Variants in RBMS3 observed in about 807,000 individuals in gnomAD.
The protein encoded by RBMS3 is RNA-binding motif, single-stranded-interacting protein 3.
Under a neutral mutation model 66.8 loss-of-function variants are expected in RBMS3, and 27 were observed. The observed-to-expected ratio is 0.40, with a 90% CI of 0.30 to 0.56. The LOEUF is 0.56. Among genes scored for constraint, RBMS3 ranks in the 20% least tolerant of loss-of-function variants. The pLI is 0.40. For synonymous variants in RBMS3, 188 were observed against 183.0 expected, an observed-to-expected ratio of 1.03 and a Z score of -0.22; for missense variants, 513 against 549.5, an observed-to-expected ratio of 0.93 and a Z score of 0.66.
chr3:29,799,837 G>A (rs985396694), intron 6 of RBMS3, among the ~76,000 whole-genome samples: 2 of 152,132 alleles, frequency 1.3e-5, no homozygotes, highest in African/African-American at 4.8e-5. Context: ...CTCCTACAAT[G>A]ATGGTATAAA....
At chr3:29,362,343 G>A (rs972934491) in intron 1 of RBMS3, among the ~76,000 whole-genome samples, 1 of 152,210 alleles carries the variant, frequency 6.6e-6, no homozygotes, top group African/African-American at 2.4e-5. Context: ...GGTATCAGCA[G>A]TGGAAGCTGC....
chr3:29,423,055 TCTC>T (rs1388764835), intron 1 of RBMS3, among the ~76,000 whole-genome samples: 1 of 152,172 alleles, frequency 6.6e-6, no homozygotes, highest in Non-Finnish European at 1.5e-5. Flanking sequence ...AAGAAAACCT[TCTC>T]CTTTTTTTGC....
At chr3:29,966,266 T>C (rs1696842962) in intron 12 of RBMS3, among the ~76,000 whole-genome samples, 1 of 152,206 alleles carries the variant, frequency 6.6e-6, no homozygotes, top group African/African-American at 2.4e-5. Flanking sequence ...GGTGGTATTC[T>C]GATGGGGATT....
At chr3:29,703,346 G>C (rs1177175038) in intron 4 of RBMS3, among the ~76,000 whole-genome samples, 1 of 152,150 alleles carries the variant, frequency 6.6e-6, no homozygotes. Flanking sequence ...CAATGTGTGG[G>C]GAAGAACTTG....
chr3:29,653,652 T>C lies in RBMS3; in HGVS notation c.399+66447T>C, dbSNP rs545909377. 1.4e-4 allele frequency among the ~76,000 whole-genome samples: 22 copies of C among 152,292 alleles called. No individual in the cohort carries two copies. In the East Asian group the frequency reaches 3.5e-3, roughly 24 times the overall value. ...ACACTCTTTCACACGAATAAAACTT[T>C]CATTCATTATGGTTTTGGCCCATAA... On this transcript the variant is annotated intron_variant, in intron 4 of 14. Transcript: ENST00000383767.
intron 4 of RBMS3, among the ~76,000 whole-genome samples, chr3:29,717,229 CATA>C (rs527576217): frequency 7.4e-4 from 112 of 152,162 alleles, no homozygotes; most frequent in African/African-American, 2.6e-3. Flanking sequence ...GTGCTCAATA[CATA>C]ATAAGTGCTC....
chr3:29,780,192 A>G (rs1163516052), intron 6 of RBMS3, among the ~76,000 whole-genome samples: 2 of 151,998 alleles, frequency 1.3e-5, no homozygotes, highest in African/African-American at 4.8e-5. Context: ...TTTGCTGAAA[A>G]TAAACAGGAT....
chr3:29,886,678 T>TA (rs2059878800), intron 8 of RBMS3, among the ~76,000 whole-genome samples: 1 of 151,892 alleles, frequency 6.6e-6, no homozygotes, highest in Admixed American at 6.6e-5. Flanking sequence ...ATTTGGTTTT[T>TA]ACTTCATAAG....
intron 12 of RBMS3, among the ~76,000 whole-genome samples, chr3:29,953,767 C>T (rs763253414): frequency 2.0e-5 from 3 of 151,868 alleles, no homozygotes; most frequent in Non-Finnish European, 4.4e-5. Context: ...GACCCACACT[C>T]ATATTTATGC....
chr3:29,665,821 A>G (rs1364220382), intron 4 of RBMS3, among the ~76,000 whole-genome samples: 1 of 152,220 alleles, frequency 6.6e-6, no homozygotes, highest in Non-Finnish European at 1.5e-5. Context: ...TATGAAACTT[A>G]CCAACTGTGT....
intron 1 of RBMS3, among the ~76,000 whole-genome samples, chr3:29,294,554 G>T (rs1206176019): frequency 6.6e-6 from 1 of 151,822 alleles, no homozygotes. Context: ...AAGTAGCTAG[G>T]ATTTGGAACT....
At chr3:29,585,921 GA>G (rs927923483) in intron 3 of RBMS3, among the ~76,000 whole-genome samples, 3 of 152,060 alleles carry the variant, frequency 2.0e-5, no homozygotes, top group Non-Finnish European at 4.4e-5. Context: ...GGGAGAAAAA[GA>G]AGACGAGATT....
At chr3:29,805,662 A>C (rs1222409474) in intron 6 of RBMS3, among the ~76,000 whole-genome samples, 2 of 152,056 alleles carry the variant, frequency 1.3e-5, no homozygotes, top group Non-Finnish European at 2.9e-5. Context: ...TAATTTTAAA[A>C]ATAGAAAACC....
chr3:29,580,662 A>T (rs1477197931), intron 3 of RBMS3, among the ~76,000 whole-genome samples: 1 of 148,418 alleles, frequency 6.7e-6, no homozygotes, highest in East Asian at 1.9e-4. Context: ...TATGTAGTAG[A>T]TGCTTAGTAA....
chr3:29,772,678 A>AG (rs1045253279), intron 6 of RBMS3, among the ~76,000 whole-genome samples: 22 of 151,972 alleles, frequency 1.4e-4, no homozygotes, highest in African/African-American at 5.3e-4. Context: ...AGGAAGCATC[A>AG]GGGGTAGGAT....
At chr3:29,970,205 G>A (rs1275520315) in intron 12 of RBMS3, among the ~76,000 whole-genome samples, 1 of 152,138 alleles carries the variant, frequency 6.6e-6, no homozygotes, top group East Asian at 1.9e-4. Context: ...GTCCGTAGTA[G>A]CCTGTGAGTT....
At chr3:29,300,442 G>A (rs972665062) in intron 1 of RBMS3, among the ~76,000 whole-genome samples, 9 of 151,992 alleles carry the variant, frequency 5.9e-5, no homozygotes, top group East Asian at 1.9e-4. Context: ...AATGAATGAC[G>A]TTTTATCTTT....
At position 29,991,291 on chromosome 3, in the gene RBMS3, TG is replaced by T. The variant is rs1698861912; in HGVS notation, c.1307+83del. ...CTCTCATGTTGTATGTGTTAGCTTT[TG>T]CTGAAATATAAACCATCCCAAACTT... On this transcript the variant is annotated intron_variant, in intron 14 of 14. Transcript: ENST00000383767. 3 of 1,587,990 alleles carry T rather than the reference TG, an allele frequency of 1.9e-6. No individual in the cohort carries two copies. In the Admixed American group the frequency reaches 5.2e-5, roughly 27 times the overall value.
chr3:29,612,592 A>T (rs1359309467), intron 4 of RBMS3, among the ~76,000 whole-genome samples: 2 of 152,008 alleles, frequency 1.3e-5, no homozygotes, highest in African/African-American at 4.8e-5. Context: ...AATTTGTGCT[A>T]AGTTTTTCTT....
Sources: allele counts gnomAD v4.1 joint callset (sites outside exome capture counted in the v4.1 genomes callset), GRCh38; gene constraint gnomAD v4.1.1; transcripts MANE v1.5; gene names NCBI Gene and HGNC (gene_info 2026-07-23, HGNC 2026-07-21).